The following CSTB variants were observed in gnomAD, a reference collection of about 807,000 sequenced individuals.
The protein encoded by CSTB is cystatin-B.
In CSTB, 8 loss-of-function variants were observed where a neutral mutation model predicts 7.6. The observed-to-expected ratio is 1.05, with a 90% confidence interval of 0.62 to 1.89. The LOEUF (loss-of-function observed/expected upper bound fraction) is 1.89. Among genes scored for constraint, CSTB ranks in the 40% most tolerant of loss-of-function variants. The pLI, the probability that CSTB is intolerant of heterozygous loss-of-function variation, is 0.00. For synonymous variants in CSTB, 56 were observed against 55.3 expected (o/e 1.01, Z -0.06); for missense variants, 124 against 126.4 (o/e 0.98, Z 0.09).
At position 43,774,186 on chromosome 21, in the gene CSTB, T is replaced by C; in HGVS notation, c.*16A>G. ...TTGTCAGTCTTCTGGCTGAAGGGCC[T>C]TGTCCAAAGTCAGGATCAGAAATAG... On this transcript the variant is annotated 3_prime_UTR_variant, in exon 3 of 3. Transcript: ENST00000291568. The C allele has an allele frequency of 1.2e-6, 2 of 1,614,214 alleles. No individual in the cohort carries two copies. The highest frequency in any genetic ancestry group is 8.5e-7 in the Non-Finnish European group (1 of 1,180,016).
chr21:43,774,925 T>A, intron 1 of CSTB, 166 bp from the exon 2 acceptor site: 1 of 688,320 alleles, frequency 1.5e-6, no homozygotes, highest in Admixed American at 2.1e-5. Context: ...AATAATAAAG[T>A]AGAAAAAAAC....
chr21:43,774,870 C>G, intron 1 of CSTB, 111 bp from the exon 2 acceptor site: 1 of 795,284 alleles, frequency 1.3e-6, no homozygotes. Flanking sequence ...TGGCTCTTCA[C>G]ACAATTGTCT....
chr21:43,775,028 A>G (rs919848215), intron 1 of CSTB: 2 of 496,788 alleles, frequency 4.0e-6, no homozygotes, highest in Non-Finnish European at 7.3e-6. Flanking sequence ...GTTTGAGACC[A>G]GCCTAGCCAA....
intron 1 of CSTB, chr21:43,775,171 C>A: frequency 3.1e-6 from 1 of 320,100 alleles, no homozygotes; most frequent in Non-Finnish European, 6.1e-6. Context: ...TGCAGTGGGC[C>A]GAGATTGTGC....
Position 43,774,290 on chromosome 21 carries a change from A to C in CSTB, c.209T>G (p.Phe70Cys). The change falls in exon 3 of 3, where the codon TTC becomes TGC. Residue 70 changes from phenylalanine (F) to cysteine (C), a missense_variant. By Grantham distance (205) the Phe-to-Cys change is radical. Transcript: ENST00000291568. The stretch of plus-strand genomic sequence containing the variant: ...CTTGTTTTCATGAGGGAGAGATTGG[A>C]ACACTCGCAGGTGTACGAAGTCCTC... ...GDEDFVHLRV[F>C]QSLPHENKPL... The C allele has an allele frequency of 6.2e-7, 1 of 1,614,192 alleles. No individual in the cohort carries two copies. Among genetic ancestry groups the C allele is most frequent in the Non-Finnish European group, 8.5e-7 (1 of 1,180,038 alleles).
chr21:43,774,000 G>T lies in CSTB; in HGVS notation c.*202C>A. On this transcript the variant is annotated 3_prime_UTR_variant, in exon 3 of 3. Transcript: ENST00000291568. ...TTGAAAATATTCTGAAAGTAATTAAGATCACCTATTGGGAAGGAAAGAAAT... is the reference window on the plus strand; with the variant it reads ...TTGAAAATATTCTGAAAGTAATTAATATCACCTATTGGGAAGGAAAGAAAT... 1 of 631,714 alleles carries T rather than the reference G, an allele frequency of 1.6e-6. No homozygotes were observed. 39.1% of individuals were successfully genotyped at this position (631,714 alleles called of 1,614,324 possible).
At chr21:43,775,075 T>G in intron 1 of CSTB, 2 of 379,522 alleles carry the variant, frequency 5.3e-6, no homozygotes, top group South Asian at 2.2e-5. Context: ...ATACAAAAAT[T>G]AGCTGGGCGT....
At position 43,774,086 on chromosome 21, in the gene CSTB, C is replaced by T; in HGVS notation, c.*116G>A. 7.2e-7 allele frequency: 1 copy of T among 1,387,930 alleles called. No individual in the cohort carries two copies. The highest frequency in any genetic ancestry group is 1.0e-6 in the Non-Finnish European group (1 of 979,712). 86.0% of individuals were successfully genotyped at this position (1,387,930 alleles called of 1,614,324 possible). A position where few individuals can be genotyped will look rare whatever the true frequency, so the allele number is the denominator to read the frequency against. On this transcript the variant is annotated 3_prime_UTR_variant, in exon 3 of 3. Transcript: ENST00000291568. ...CAGCTGCAGAATCCTGCCCCTTCCACCCCAAGGGGCACAGCCCGGAGATGA... is the reference window on the plus strand; with the variant it reads ...CAGCTGCAGAATCCTGCCCCTTCCATCCCAAGGGGCACAGCCCGGAGATGA...
rs1349028244 is a variant in CSTB at position 43,776,215 on chromosome 21, T to C, written c.55A>G (p.Ile19Val). The change falls in exon 1 of 3, where the codon ATC (isoleucine) becomes GTC (valine). Residue 19 changes from isoleucine to valine, a missense_variant. Coordinates refer to ENST00000291568, the MANE Select transcript of CSTB (RefSeq NM_000100.4). ...TQPATAETQH[I>V]ADQVRSQLEE... ...CGCGGCCCACCCACCTGGTCGGCGA[T>C]GTGCTGGGTCTCGGCGGTGGCCGGC... 5 of 1,532,814 alleles carry C rather than the reference T, an allele frequency of 3.3e-6. No homozygotes were observed. Among genetic ancestry groups the C allele is most frequent in the South Asian group, 2.4e-5 (2 of 83,038 alleles). 95.0% of individuals were successfully genotyped at this position (1,532,814 alleles called of 1,614,324 possible).
chr21:43,775,950 G>A (rs1356881620), intron 1 of CSTB: 2 of 437,624 alleles, frequency 4.6e-6, no homozygotes, highest in South Asian at 4.4e-5. Flanking sequence ...ACCCTGCTCC[G>A]GGCTATCAAT....
intron 2 of CSTB, 86 bp downstream of exon 2, chr21:43,774,564 GCCCCAGCA>G: frequency 8.1e-7 from 1 of 1,230,602 alleles, no homozygotes. Context: ...GCCACAGGGC[GCCCCAGCA>G]CCTAAGACCA....
intron 1 of CSTB, chr21:43,775,226 C>CAA (rs796529480): frequency 1.8e-4 from 40 of 224,004 alleles, no homozygotes; most frequent in Non-Finnish European, 2.7e-4. Flanking sequence ...GTCTCAAAAA[C>CAA]AAAAAAAAAA....
chr21:43,775,044 A>C (rs757012117), intron 1 of CSTB: 4 of 457,866 alleles, frequency 8.7e-6, no homozygotes, highest in African/African-American at 2.0e-5. Flanking sequence ...GCCAAATGGC[A>C]AAACCCCGTT....
At chr21:43,775,655 G>A (rs2084006367) in intron 1 of CSTB, 1 of 152,556 alleles carries the variant, frequency 6.6e-6, no homozygotes, top group Admixed American at 6.5e-5. Context: ...TCCCGAACTA[G>A]ATGAGGATAT....
chr21:43,775,072 A>C, intron 1 of CSTB: 1 of 390,900 alleles, frequency 2.6e-6, no homozygotes, highest in Non-Finnish European at 4.9e-6. Context: ...AAAATACAAA[A>C]ATTAGCTGGG....
chr21:43,776,225 C>A lies in CSTB; in HGVS notation c.45G>T (p.Glu15Asp). Residue 15 changes from glutamate (E) to aspartate (D), a missense_variant, in exon 1 of 3, where the codon GAG becomes GAT. Coordinates refer to ENST00000291568, the MANE Select transcript of CSTB (RefSeq NM_000100.4). ...CCACCTGGTCGGCGATGTGCTGGGT[C>A]TCGGCGGTGGCCGGCTGCGTGGCGG... ...APSATQPATA[E>D]TQHIADQVRS... 3 of 1,532,286 alleles carry A rather than the reference C, an allele frequency of 2.0e-6. No homozygotes were observed. The highest frequency in any genetic ancestry group is 1.2e-5 in the South Asian group (1 of 82,888). 94.9% of individuals were successfully genotyped at this position (1,532,286 alleles called of 1,614,324 possible). A position where few individuals can be genotyped will look rare whatever the true frequency, so the allele number is the denominator to read the frequency against.
intron 2 of CSTB, 72 bp downstream of exon 2, chr21:43,774,586 A>G (rs984754765): frequency 1.7e-5 from 24 of 1,374,554 alleles, no homozygotes; most frequent in Non-Finnish European, 2.1e-6. Flanking sequence ...AAGACCACAC[A>G]GCCCGGGCCT....
At position 43,774,331 on chromosome 21, in the gene CSTB, C is replaced by G; in HGVS notation, c.169-1G>C. On this transcript the variant is annotated splice_acceptor_variant, in intron 2 of 2. Transcript: ENST00000291568. LOFTEE classifies it high-confidence loss of function. The stretch of plus-strand genomic sequence containing the variant: ...CGAAGTCCTCGTCGCCGACGTGCAC[C>G]TGGGAAGAGAGCGGAGTGAGCGAAG... 6.2e-7 allele frequency: 1 copy of G among 1,614,160 alleles called. No individual in the cohort carries two copies. The highest frequency in any genetic ancestry group is 8.5e-7 in the Non-Finnish European group (1 of 1,180,038).
At chr21:43,775,192 C>T (rs543492346) in intron 1 of CSTB, 18 of 298,918 alleles carry the variant, frequency 6.0e-5, no homozygotes, top group African/African-American at 3.5e-4. Context: ...CACTGCACTC[C>T]ACCCTGGGCA....
Sources: gnomAD v4.1 joint callset for allele counts on GRCh38, gnomAD v4.1.1 for gene constraint, MANE v1.5 for transcripts, NCBI Gene and HGNC (gene_info 2026-07-23, HGNC 2026-07-21) for gene names.